WDR36: variants seen among roughly 807,000 people sequenced by gnomAD.
The protein encoded by WDR36 is WD repeat-containing protein 36.
Under a neutral mutation model 112.7 loss-of-function variants are expected in WDR36, and 63 were observed. The observed-to-expected ratio is 0.56, with a 90% CI of 0.46 to 0.69. The LOEUF is 0.69. Among genes scored for constraint, WDR36 ranks in the 30% least tolerant of loss-of-function variants. The probability of loss-of-function intolerance (pLI) is 0.00; values close to 1 mark genes in which losing one functional copy is unlikely to be tolerated. For synonymous variants in WDR36, 410 were observed against 362.2 expected, an observed-to-expected ratio of 1.13 and a Z score of -1.50; for missense variants, 1,226 against 1,070.3, an observed-to-expected ratio of 1.15 and a Z score of -2.03.
At chr5:111,104,471 A>G (rs1423018478) in intron 8 of WDR36, 119 bp downstream of exon 8, 1 of 1,455,780 alleles carries the variant, frequency 6.9e-7, no homozygotes, top group Non-Finnish European at 9.6e-7. Flanking sequence ...GGAATGAGAT[A>G]TTGGTATAGA....
chr5:111,100,415 CCT>C (rs1369237870), intron 4 of WDR36, among the ~76,000 whole-genome samples, 172 bp from the exon 5 acceptor site: 2 of 151,412 alleles, frequency 1.3e-5, no homozygotes, highest in South Asian at 2.1e-4. Context: ...TTACAAGTTG[CCT>C]CTCATTTATT....
intron 9 of WDR36, 33 bp downstream of exon 9, chr5:111,104,850 CA>C: frequency 6.2e-7 from 1 of 1,609,374 alleles, no homozygotes; most frequent in African/African-American, 1.3e-5. Context: ...TAGTTTATTT[CA>C]GCAAGTATTG....
intron 16 of WDR36, 48 bp downstream of exon 16, chr5:111,113,201 AT>A: frequency 8.2e-7 from 1 of 1,216,120 alleles, no homozygotes. Context: ...TTTCTAAGTT[AT>A]TTTTTTCACA....
chr5:111,106,708 C>G (rs1753227515), intron 11 of WDR36, among the ~76,000 whole-genome samples: 1 of 151,338 alleles, frequency 6.6e-6, no homozygotes, highest in Admixed American at 6.6e-5. Context: ...AATCACATCA[C>G]ACATCTGCTT....
At chr5:111,122,534 T>C (rs1337446976) in intron 19 of WDR36, among the ~76,000 whole-genome samples, 1 of 152,210 alleles carries the variant, frequency 6.6e-6, no homozygotes, top group Non-Finnish European at 1.5e-5. Context: ...CAAAGCCTTA[T>C]GGTTTTAACA....
At chr5:111,119,143 G>C (rs1410534814) in intron 17 of WDR36, 23 bp downstream of exon 17, 2 of 1,561,918 alleles carry the variant, frequency 1.3e-6, no homozygotes, top group East Asian at 4.5e-5. Flanking sequence ...ATACAGTTCT[G>C]TTTTGGGATG....
At chr5:111,117,598 C>T (rs762597922) in intron 16 of WDR36, among the ~76,000 whole-genome samples, 4 of 152,066 alleles carry the variant, frequency 2.6e-5, no homozygotes, top group Non-Finnish European at 4.4e-5. Flanking sequence ...CTACCTTGAG[C>T]GAGTTTTCAA....
At position 111,107,400 on chromosome 5, in the gene WDR36, C is replaced by T; in HGVS notation, c.1287C>T (p.Leu429=). The T allele has an allele frequency of 6.2e-7, 1 of 1,610,370 alleles. No homozygotes were observed. The highest frequency in any genetic ancestry group is 8.5e-7 in the Non-Finnish European group (1 of 1,177,566). The change falls in exon 12 of 23, where the codon CTC becomes CTT. Residue 429 remains leucine (L), a synonymous_variant. Transcript: ENST00000513710. ...YQKSTIGAYF[L]KPKELKKDDI... is the part of the protein sequence containing the mutation. ...AATCTACAATAGGCGCTTACTTTCT[C>T]AAGCCAAAAGAGTTGAAGAAAGATG...
intron 8 of WDR36, 72 bp from the exon 9 acceptor site, chr5:111,104,625 T>C (rs1753187990): frequency 5.0e-6 from 8 of 1,605,102 alleles, no homozygotes; most frequent in Non-Finnish European, 6.8e-6. Context: ...TTGATTTATG[T>C]AGGGGGTGAT....
intron 22 of WDR36, 85 bp from the exon 23 acceptor site, chr5:111,126,649 G>A (rs2112594470): frequency 7.0e-7 from 1 of 1,435,450 alleles, no homozygotes; most frequent in Non-Finnish European, 9.8e-7. Context: ...AGTGTCTTTT[G>A]TGGTTCCTTG....
Position 111,103,891 on chromosome 5 carries a change from C to T in WDR36, c.703C>T (p.Pro235Ser). The change falls in exon 7 of 23, where the codon CCC (proline) becomes TCC (serine). Residue 235 changes from proline to serine, a missense_variant. By Grantham distance (74) the Pro-to-Ser change is moderately conservative (BLOSUM62 -1). Coordinates refer to ENST00000513710, the MANE Select transcript of WDR36 (RefSeq NM_139281.3). ...AATGAAGTTTCGTCAAGACTGGGGA[C>T]CCATTACTTCAATTTCATTTCGCAC... ...TLMKFRQDWGPITSISFRTDG... is the reference protein window; with the variant it reads ...TLMKFRQDWGSITSISFRTDG... The T allele has an allele frequency of 1.9e-6, 3 of 1,611,172 alleles. No homozygotes were observed. Among genetic ancestry groups the T allele is most frequent in the Non-Finnish European group, 2.5e-6 (3 of 1,178,178 alleles).
At chr5:111,119,437 A>G (rs1315822379) in intron 17 of WDR36, among the ~76,000 whole-genome samples, 1 of 152,188 alleles carries the variant, frequency 6.6e-6, no homozygotes, top group Middle Eastern at 3.2e-3. Flanking sequence ...TTTTCCTGCC[A>G]GTATCCCACA....
At chr5:111,096,993 G>T in intron 2 of WDR36, 86 bp from the exon 3 acceptor site, 2 of 855,766 alleles carry the variant, frequency 2.3e-6, no homozygotes, top group Non-Finnish European at 3.8e-6. Context: ...TTAAATTATA[G>T]CCATGAAAAA....
At position 111,097,138 on chromosome 5, in the gene WDR36, G is replaced by A; in HGVS notation, c.250G>A (p.Ala84Thr). 2 of 1,613,738 alleles carry A rather than the reference G, an allele frequency of 1.2e-6. No homozygotes were observed. Among genetic ancestry groups the A allele is most frequent in the Non-Finnish European group, 1.7e-6 (2 of 1,179,810 alleles). The change falls in exon 3 of 23, where the codon GCT becomes ACT. Residue 84 changes from alanine (A) to threonine (T), a missense_variant. Coordinates refer to ENST00000513710, the MANE Select transcript of WDR36 (RefSeq NM_139281.3). ...AGCTGATGGCAGATTAGTCTTTGCT[G>A]CTTATGGAAATGTTTTCTCTGCATT... is the stretch of plus-strand genomic sequence containing the variant. ...MAADGRLVFAAYGNVFSAFAR... is the reference protein window; with the variant it reads ...MAADGRLVFATYGNVFSAFAR...
Position 111,102,343 on chromosome 5 carries a change from A to G in WDR36, c.543-2A>G. 6.2e-7 allele frequency: 1 copy of G among 1,601,932 alleles called. No homozygotes were observed. Among genetic ancestry groups the G allele is most frequent in the Non-Finnish European group, 8.5e-7 (1 of 1,174,564 alleles). The stretch of plus-strand genomic sequence containing the variant: ...AGCTTTCAACTATTTTTCTTCTTGT[A>G]GTAAACTTCTATATACATTTCCAGG... On this transcript the variant is annotated splice_acceptor_variant, in intron 5 of 22. Coordinates refer to ENST00000513710, the MANE Select transcript of WDR36 (RefSeq NM_139281.3). LOFTEE classifies it high-confidence loss of function.
intron 10 of WDR36, among the ~76,000 whole-genome samples, chr5:111,105,659 G>A (rs111233772): frequency 4.6e-5 from 7 of 151,572 alleles, no homozygotes; most frequent in African/African-American, 1.7e-4. Flanking sequence ...TTTTAAAATG[G>A]AAGGTAGCTT....
In WDR36 at chr5:111,104,765, T is replaced by C; in HGVS notation, c.975T>C (p.Pro325=). ...LLRFRMGHSA[P]LTNIRYYGQN... is the part of the protein sequence containing the mutation. ...GATTCAGAATGGGTCATAGTGCTCC[T>C]CTTACCAATATCAGATATTATGGAC... Residue 325 remains proline, a synonymous_variant, in exon 9 of 23, where the codon CCT becomes CCC. Transcript: ENST00000513710. 1 of 1,611,460 alleles carries C rather than the reference T, an allele frequency of 6.2e-7. No homozygotes were observed. Among genetic ancestry groups the C allele is most frequent in the South Asian group, 1.1e-5 (1 of 91,058 alleles).
At chr5:111,124,061 G>A in intron 20 of WDR36, 47 bp from the exon 21 acceptor site, 1 of 1,602,554 alleles carries the variant, frequency 6.2e-7, no homozygotes, top group Non-Finnish European at 8.5e-7. Flanking sequence ...TACATTTTTG[G>A]GTGATACTTG....
At chr5:111,107,250 C>G (rs776397197) in intron 11 of WDR36, 44 bp from the exon 12 acceptor site, 3 of 1,585,590 alleles carry the variant, frequency 1.9e-6, no homozygotes, top group Non-Finnish European at 2.6e-6. Flanking sequence ...AAATGAATAA[C>G]AGAATGAAAA....
Sources: gnomAD v4.1 joint callset for allele counts (sites outside exome capture counted in the v4.1 genomes callset) on GRCh38, gnomAD v4.1.1 for gene constraint, MANE v1.5 for transcripts, NCBI Gene and HGNC (gene_info 2026-07-23, HGNC 2026-07-21) for gene names.